GALNTL6: variants seen among roughly 807,000 people sequenced by gnomAD.
The protein encoded by GALNTL6 is polypeptide N-acetylgalactosaminyltransferase like 6, also known as polypeptide N-acetylgalactosaminyltransferase-like 6.
In GALNTL6, 46 loss-of-function variants were observed where a neutral mutation model predicts 73.7. That is an observed-to-expected ratio of 0.62 (90% CI 0.49 to 0.80). The LOEUF is 0.80. Ranked by LOEUF, GALNTL6 falls within the 30% of genes least tolerant of loss-of-function variation. The probability of loss-of-function intolerance (pLI) is 0.00; values close to 1 mark genes in which losing one functional copy is unlikely to be tolerated. For missense variants in GALNTL6, 604 were observed against 755.0 expected, an observed-to-expected ratio of 0.80 and a Z score of 2.34; for synonymous variants, 259 against 263.7, an observed-to-expected ratio of 0.98 and a Z score of 0.17.
chr4:172,087,458 AC>A, intron 2 of GALNTL6, among the ~76,000 whole-genome samples: 1 of 141,542 alleles, frequency 7.1e-6, no homozygotes, highest in African/African-American at 2.9e-5. Context: ...AAAAAAAAAA[AC>A]AAAAAAAACA....
chr4:172,116,330 TG>T (rs759236012), intron 2 of GALNTL6, among the ~76,000 whole-genome samples: 4 of 152,182 alleles, frequency 2.6e-5, no homozygotes, highest in Non-Finnish European at 5.9e-5. Flanking sequence ...CATATTGCTC[TG>T]TAATAAATTT....
At chr4:172,411,699 A>G (rs2111344644) in intron 5 of GALNTL6, among the ~76,000 whole-genome samples, 1 of 152,158 alleles carries the variant, frequency 6.6e-6, no homozygotes, top group South Asian at 2.1e-4. Context: ...CTGAAGGGAC[A>G]AAATCTTGGC....
intron 11 of GALNTL6, among the ~76,000 whole-genome samples, chr4:173,017,136 A>G (rs1023890941): frequency 6.6e-6 from 1 of 152,220 alleles, no homozygotes; most frequent in Non-Finnish European, 1.5e-5. Context: ...TGAGTCAATT[A>G]AACCTCTTTC....
intron 7 of GALNTL6, among the ~76,000 whole-genome samples, chr4:172,854,736 C>T (rs73000160): frequency 0.027 from 4,088 of 152,238 alleles, 173 homozygotes; most frequent in African/African-American, 0.093. Context: ...TTGAAATTAA[C>T]TCTTTCTCCT....
chr4:172,711,012 C>T (rs1327912692), intron 5 of GALNTL6, among the ~76,000 whole-genome samples: 6 of 151,998 alleles, frequency 3.9e-5, no homozygotes, highest in Non-Finnish European at 8.8e-5. Flanking sequence ...CTTCATTGAG[C>T]CTGCAACCTA....
At chr4:172,932,155 A>G (rs912968511) in intron 9 of GALNTL6, among the ~76,000 whole-genome samples, 3 of 152,240 alleles carry the variant, frequency 2.0e-5, no homozygotes, top group Non-Finnish European at 4.4e-5. Flanking sequence ...CTCACATAAC[A>G]AGCTTTTGTA....
intron 5 of GALNTL6, among the ~76,000 whole-genome samples, chr4:172,634,318 T>C (rs950432403): frequency 2.0e-5 from 3 of 152,194 alleles, no homozygotes; most frequent in African/African-American, 7.2e-5. Context: ...ACATGTTTTT[T>C]ATGGTCCACA....
chr4:172,603,081 G>T (rs1451347053), intron 5 of GALNTL6, among the ~76,000 whole-genome samples: 1 of 152,158 alleles, frequency 6.6e-6, no homozygotes, highest in Non-Finnish European at 1.5e-5. Context: ...TGTTGAACCA[G>T]GGGTCAGAGG....
chr4:172,593,097 C>G (rs1385858193), intron 5 of GALNTL6, among the ~76,000 whole-genome samples: 1 of 152,142 alleles, frequency 6.6e-6, no homozygotes, highest in Non-Finnish European at 1.5e-5. Context: ...TGTTTATATT[C>G]TAAAAAACAG....
At chr4:172,189,737 T>G (rs1344715419) in intron 2 of GALNTL6, among the ~76,000 whole-genome samples, 1 of 152,166 alleles carries the variant, frequency 6.6e-6, no homozygotes, top group Non-Finnish European at 1.5e-5. Context: ...ATTTGCTTTC[T>G]GCAAAATTAT....
intron 5 of GALNTL6, among the ~76,000 whole-genome samples, chr4:172,612,143 A>G (rs1234810596): frequency 2.0e-5 from 3 of 152,096 alleles, no homozygotes; most frequent in Non-Finnish European, 4.4e-5. Flanking sequence ...CTCATGAATG[A>G]TGGTGATGTT....
At chr4:171,869,052 C>T (rs776741157) in intron 2 of GALNTL6, among the ~76,000 whole-genome samples, 19 of 152,120 alleles carry the variant, frequency 1.2e-4, no homozygotes, top group Admixed American at 2.0e-4. Context: ...TTCATGTAAA[C>T]GGGAAGATAT....
chr4:172,448,058 A>G (rs1732088819), intron 5 of GALNTL6, among the ~76,000 whole-genome samples: 2 of 152,192 alleles, frequency 1.3e-5, no homozygotes, highest in Admixed American at 1.3e-4. Context: ...CATGAATGAT[A>G]GAATATTAAC....
intron 3 of GALNTL6, among the ~76,000 whole-genome samples, chr4:172,298,068 C>T (rs1156334898): frequency 6.6e-6 from 1 of 152,180 alleles, no homozygotes; most frequent in East Asian, 1.9e-4. Flanking sequence ...AGGTCCTTCA[C>T]ATCCCTTGTA....
At position 172,391,264 on chromosome 4, in the gene GALNTL6, G is replaced by C. The variant is rs116169846; in HGVS notation, c.553+42575G>C. On this transcript the variant is annotated intron_variant, in intron 5 of 12. Transcript: ENST00000506823. ...TTGAAGAGTGTCTTTGTGAGGAGAG[G>C]AACGCTGTGTCCTCACCTTGCAGAA... Among the ~76,000 whole-genome samples the C allele has an allele frequency of 1.9e-3, 295 of 152,310 alleles. 1 individual carries two copies. The highest frequency in any genetic ancestry group is 6.8e-3 in the African/African-American group (283 of 41,570).
chr4:172,140,232 G>A (rs1459616805), intron 2 of GALNTL6, among the ~76,000 whole-genome samples: 3 of 151,896 alleles, frequency 2.0e-5, no homozygotes, highest in African/African-American at 7.2e-5. Flanking sequence ...ACATGTTGCA[G>A]AAAAAGGTGT....
chr4:172,239,142 A>T (rs1234017664), intron 3 of GALNTL6, among the ~76,000 whole-genome samples: 4 of 152,088 alleles, frequency 2.6e-5, no homozygotes, highest in Admixed American at 6.6e-5. Context: ...AATCTCTCCT[A>T]CTCAACTTTT....
intron 2 of GALNTL6, among the ~76,000 whole-genome samples, chr4:171,889,638 G>A (rs1205355207): frequency 2.6e-5 from 4 of 151,982 alleles, no homozygotes; most frequent in Admixed American, 2.6e-4. Context: ...TAATGATTTA[G>A]GTTTGACTGT....
At position 172,069,666 on chromosome 4, in the gene GALNTL6, ATG is replaced by A. The variant is rs1432578651; in HGVS notation, c.139-159986_139-159985del. 2.1e-5 allele frequency among the ~76,000 whole-genome samples: 2 copies of A among 95,486 alleles called. 1 individual carries two copies. Among genetic ancestry groups the A allele is most frequent in the African/African-American group, 8.7e-5 (2 of 23,010 alleles). 62.6% of individuals were successfully genotyped at this position (95,486 alleles called of 152,430 possible). Reference sequence around the variant, plus strand: ...CCTCATACATAGTATCTGACAACATATGTGTAATTTCTGCAGGAACAAGTAAG... The same window carrying A: ...CCTCATACATAGTATCTGACAACATATGTAATTTCTGCAGGAACAAGTAAG... On this transcript the variant is annotated intron_variant, in intron 2 of 12. Transcript: ENST00000506823.
Sources: allele counts gnomAD v4.1 joint callset (sites outside exome capture counted in the v4.1 genomes callset), GRCh38; gene constraint gnomAD v4.1.1; transcripts MANE v1.5; gene names NCBI Gene and HGNC (gene_info 2026-07-23, HGNC 2026-07-21).